RAMP1: variants seen among roughly 807,000 people sequenced by gnomAD.
RAMP1 encodes receptor activity-modifying protein 1.
In RAMP1, 7 loss-of-function variants were observed where a neutral mutation model predicts 8.2. The ratio of observed to expected loss-of-function variants is 0.85; its 90% CI spans 0.49 to 1.60. The LOEUF is 1.60. Among genes scored for constraint, RAMP1 ranks in the 40% most tolerant of loss-of-function variants. The pLI is 0.00. For synonymous variants in RAMP1, 92 were observed against 84.7 expected, an observed-to-expected ratio of 1.09 and a Z score of -0.47; for missense variants, 192 against 202.4, an observed-to-expected ratio of 0.95 and a Z score of 0.31.
chr2:237,877,154 G>A lies in RAMP1; in HGVS notation c.53-70G>A, dbSNP rs573157338. ...CGTGGAGTCCGGGCTGCAGGGGCGC[G>A]CGGGCTGGCGGTGATACCCCTAGGC... On this transcript the variant is annotated intron_variant, in intron 1 of 2. Transcript: ENST00000254661. This position sits in a 1 kb window ranked among gnomAD's most constrained non-coding sequence, Gnocchi z 4.4. 7.6e-4 allele frequency: 1,214 copies of A among 1,603,296 alleles called. 7 individuals carry two copies. Among genetic ancestry groups the A allele is most frequent in the South Asian group, 2.9e-3 (265 of 90,756 alleles).
Position 237,865,864 on chromosome 2 carries a change from A to G in RAMP1, c.52+6137A>G, listed in dbSNP as rs2062182682. Among the ~76,000 whole-genome samples, 1 of 152,178 alleles carries G rather than the reference A, an allele frequency of 6.6e-6. No homozygotes were observed. The highest frequency in any genetic ancestry group is 1.5e-5 in the Non-Finnish European group (1 of 68,024). On this transcript the variant is annotated intron_variant, in intron 1 of 2. Coordinates refer to ENST00000254661, the MANE Select transcript of RAMP1 (RefSeq NM_005855.4). This position sits in a 1 kb window ranked among gnomAD's most constrained non-coding sequence, Gnocchi z 4.2. ...CATGATTGGTGGTGGAGGGAGGCAG[A>G]TGGCAGGGTCCTTTGCAGGAGAGGC...
intron 2 of RAMP1, among the ~76,000 whole-genome samples, chr2:237,891,696 T>C (rs1406680086): frequency 6.6e-6 from 1 of 152,186 alleles, no homozygotes; most frequent in Non-Finnish European, 1.5e-5. Context: ...AAAGAAGAAA[T>C]TATCTGTTTG....
intron 1 of RAMP1, among the ~76,000 whole-genome samples, chr2:237,876,155 G>C (rs927423199): frequency 2.0e-5 from 3 of 152,204 alleles, no homozygotes; most frequent in African/African-American, 7.2e-5. Context: ...AGCAGTCCGA[G>C]GGGCCCCTCG....
intron 2 of RAMP1, among the ~76,000 whole-genome samples, chr2:237,886,905 C>T (rs2062439392): frequency 1.3e-5 from 2 of 152,194 alleles, no homozygotes; most frequent in Non-Finnish European, 2.9e-5. Flanking sequence ...GGGGGCTCGT[C>T]GTAGCTCAGC....
chr2:237,902,550 A>G (rs1305103845), intron 2 of RAMP1, among the ~76,000 whole-genome samples: 2 of 152,008 alleles, frequency 1.3e-5, no homozygotes, highest in Non-Finnish European at 2.9e-5. Context: ...CCTTCCACAG[A>G]GCCCCTTCCT....
chr2:237,864,818 C>T (rs2062170529), intron 1 of RAMP1, among the ~76,000 whole-genome samples: 1 of 152,222 alleles, frequency 6.6e-6, no homozygotes, highest in African/African-American at 2.4e-5. Flanking sequence ...GACCACGGAG[C>T]ACAGCCCTGA....
intron 2 of RAMP1, among the ~76,000 whole-genome samples, chr2:237,894,869 C>T (rs973975096): frequency 2.0e-5 from 3 of 152,186 alleles, no homozygotes; most frequent in African/African-American, 4.8e-5. Context: ...TGAGACAAAG[C>T]GTTGCCAGCC....
chr2:237,898,820 C>CTGGAGTG, intron 2 of RAMP1, among the ~76,000 whole-genome samples: 2 of 152,180 alleles, frequency 1.3e-5, no homozygotes, highest in African/African-American at 4.8e-5. Flanking sequence ...CTGACGCACG[C>CTGGAGTG]CAGGCCAGGC....
intron 1 of RAMP1, among the ~76,000 whole-genome samples, chr2:237,860,884 T>A (rs1365224030): frequency 6.6e-6 from 1 of 151,664 alleles, no homozygotes; most frequent in Non-Finnish European, 1.5e-5. Context: ...CTCCAAGGGG[T>A]GGCAGATCTG....
At chr2:237,896,961 G>C (rs1047253950) in intron 2 of RAMP1, among the ~76,000 whole-genome samples, 9 of 152,124 alleles carry the variant, frequency 5.9e-5, no homozygotes, top group Non-Finnish European at 1.5e-5. Context: ...TTAGACTTTT[G>C]GACAGCAGAG....
chr2:237,874,167 T>C (rs940692853), intron 1 of RAMP1, among the ~76,000 whole-genome samples: 2 of 152,086 alleles, frequency 1.3e-5, no homozygotes, highest in Non-Finnish European at 2.9e-5. Flanking sequence ...TGGTGGAAGC[T>C]AGAACTGGCT....
At chr2:237,859,812 G>A in intron 1 of RAMP1, 85 bp downstream of exon 1, 2 of 1,150,934 alleles carry the variant, frequency 1.7e-6, no homozygotes, top group Non-Finnish European at 2.3e-6. Flanking sequence ...GCGGGTGGGA[G>A]CGGGTGGGAG....
chr2:237,863,495 G>A (rs915094596), intron 1 of RAMP1, among the ~76,000 whole-genome samples: 2 of 152,166 alleles, frequency 1.3e-5, no homozygotes, highest in East Asian at 1.9e-4. Context: ...AGGAGGATGC[G>A]TCAACACGGC....
chr2:237,888,798 G>T (rs1290823813), intron 2 of RAMP1, among the ~76,000 whole-genome samples: 1 of 152,066 alleles, frequency 6.6e-6, no homozygotes, highest in Non-Finnish European at 1.5e-5. Flanking sequence ...TTGAGACGGA[G>T]TCTCCCTCTC....
intron 2 of RAMP1, among the ~76,000 whole-genome samples, chr2:237,901,084 C>T (rs1466749990): frequency 6.6e-6 from 1 of 152,266 alleles, no homozygotes; most frequent in Non-Finnish European, 1.5e-5. Context: ...GCAGTGCCAG[C>T]TGTCCTGGGT....
chr2:237,911,708 G>A lies in RAMP1; in HGVS notation c.372G>A (p.Val124=), dbSNP rs61758798. The change falls in exon 3 of 3, where the codon GTG becomes GTA. Residue 124 remains valine (V), a synonymous_variant. Coordinates refer to ENST00000254661, the MANE Select transcript of RAMP1 (RefSeq NM_005855.4). ...GCAGCATCCTCTACCCCTTCATCGTGGTCCCCATCACGGTGACCCTGCTGG... is the reference window on the plus strand; with the variant it reads ...GCAGCATCCTCTACCCCTTCATCGTAGTCCCCATCACGGTGACCCTGCTGG... The part of the protein sequence containing the change: ...PPGSILYPFI[V]VPITVTLLVT... 3,157 of 1,613,906 alleles carry A rather than the reference G, an allele frequency of 2.0e-3. 7 individuals are homozygous for A. The highest frequency in any genetic ancestry group is 2.5e-3 in the Non-Finnish European group (2,902 of 1,179,930).
At chr2:237,873,344 C>A (rs898753271) in intron 1 of RAMP1, among the ~76,000 whole-genome samples, 4 of 152,234 alleles carry the variant, frequency 2.6e-5, no homozygotes, top group Non-Finnish European at 5.9e-5. Context: ...GACCCATTAG[C>A]TCTGTGCCTC....
intron 2 of RAMP1, among the ~76,000 whole-genome samples, chr2:237,901,747 C>T (rs149144854): frequency 3.4e-4 from 51 of 152,236 alleles, no homozygotes; most frequent in South Asian, 1.9e-3. Context: ...CTGGAGAGCC[C>T]GTGGTAGCTA....
chr2:237,893,660 C>A (rs775160634), intron 2 of RAMP1, among the ~76,000 whole-genome samples: 2 of 152,082 alleles, frequency 1.3e-5, no homozygotes, highest in African/African-American at 4.8e-5. Context: ...TAGTTTCGGC[C>A]GGGTATGGTG....
Sources: allele counts gnomAD v4.1 joint callset (sites outside exome capture counted in the v4.1 genomes callset), GRCh38; gene constraint gnomAD v4.1.1; non-coding constraint Gnocchi (gnomAD v3.1); transcripts MANE v1.5; gene names NCBI Gene and HGNC (gene_info 2026-07-23, HGNC 2026-07-21).